CDH12: variants seen among roughly 807,000 people sequenced by gnomAD.
The protein encoded by CDH12 is cadherin 12.
In CDH12, 41 loss-of-function variants were observed where a neutral mutation model predicts 74.1. The observed-to-expected ratio is 0.55, with a 90% CI of 0.43 to 0.72. The LOEUF is 0.72. Among genes scored for constraint, CDH12 ranks in the 30% least tolerant of loss-of-function variants. The pLI, the probability that CDH12 is intolerant of heterozygous loss-of-function variation, is 0.00. For synonymous variants in CDH12, 399 were observed against 355.0 expected, an observed-to-expected ratio of 1.12 and a Z score of -1.39; for missense variants, 945 against 977.2, an observed-to-expected ratio of 0.97 and a Z score of 0.44.
chr5:22,332,739 A>C (rs1580532934), intron 3 of CDH12, among the ~76,000 whole-genome samples: 1 of 152,260 alleles, frequency 6.6e-6, no homozygotes, highest in Non-Finnish European at 1.5e-5. Flanking sequence ...TGATCATTAA[A>C]GAAATTCAAA....
intron 2 of CDH12, among the ~76,000 whole-genome samples, chr5:22,500,682 C>T (rs1172365706): frequency 6.6e-6 from 1 of 152,104 alleles, no homozygotes; most frequent in Non-Finnish European, 1.5e-5. Context: ...ATTCCATGCT[C>T]AGTATGTTCT....
At chr5:22,460,536 A>C (rs927656792) in intron 2 of CDH12, among the ~76,000 whole-genome samples, 1 of 152,202 alleles carries the variant, frequency 6.6e-6, no homozygotes, top group Non-Finnish European at 1.5e-5. Flanking sequence ...ATTATTTAAT[A>C]ACTGCAAATA....
chr5:22,111,723 C>T (rs1407526485), intron 4 of CDH12, among the ~76,000 whole-genome samples: 1 of 152,098 alleles, frequency 6.6e-6, no homozygotes, highest in Non-Finnish European at 1.5e-5. Flanking sequence ...AGACACTTTC[C>T]GTTCTCACTG....
chr5:22,351,775 G>A (rs1336043639), intron 3 of CDH12, among the ~76,000 whole-genome samples: 1 of 152,086 alleles, frequency 6.6e-6, no homozygotes, highest in Non-Finnish European at 1.5e-5. Context: ...AGTAACATAT[G>A]CCCCATGGAG....
intron 5 of CDH12, among the ~76,000 whole-genome samples, chr5:21,992,647 T>A (rs1049307752): frequency 3.3e-5 from 5 of 152,092 alleles, no homozygotes; most frequent in East Asian, 1.9e-4. Context: ...TAAAAAAAAA[T>A]TAGTTTTCTT....
chr5:21,802,899 C>T (rs1441926251), intron 9 of CDH12, among the ~76,000 whole-genome samples: 1 of 152,070 alleles, frequency 6.6e-6, no homozygotes, highest in South Asian at 2.1e-4. Context: ...AGAAAAGAAT[C>T]ACGTCCATGT....
intron 6 of CDH12, among the ~76,000 whole-genome samples, chr5:21,890,332 T>C (rs1752840293): frequency 6.6e-6 from 1 of 152,114 alleles, no homozygotes; most frequent in South Asian, 2.1e-4. Flanking sequence ...ATCTTTCTTC[T>C]ATGGTAAAAA....
chr5:22,067,831 A>C (rs1026408799), intron 5 of CDH12, among the ~76,000 whole-genome samples: 2 of 152,082 alleles, frequency 1.3e-5, no homozygotes, highest in Non-Finnish European at 2.9e-5. Context: ...ATACAAAATT[A>C]GCCCAGTGTG....
chr5:22,102,082 T>G (rs1229852083), intron 4 of CDH12, among the ~76,000 whole-genome samples: 1 of 152,166 alleles, frequency 6.6e-6, no homozygotes, highest in Non-Finnish European at 1.5e-5. Flanking sequence ...AGAGGTGAAG[T>G]GAAAATATAT....
intron 10 of CDH12, among the ~76,000 whole-genome samples, chr5:21,794,853 TA>T (rs1746694627): frequency 6.6e-6 from 1 of 151,616 alleles, no homozygotes; most frequent in Non-Finnish European, 1.5e-5. Context: ...TGTTTTTTTT[TA>T]TGTAGAGCCC....
At chr5:22,497,012 A>C (rs2126649165) in intron 2 of CDH12, among the ~76,000 whole-genome samples, 1 of 152,236 alleles carries the variant, frequency 6.6e-6, no homozygotes, top group South Asian at 2.1e-4. Flanking sequence ...GGAAAATATT[A>C]CCTTAGACTT....
At chr5:22,601,346 G>A (rs180927721) in intron 1 of CDH12, among the ~76,000 whole-genome samples, 258 of 152,090 alleles carry the variant, frequency 1.7e-3, no homozygotes, top group African/African-American at 6.0e-3. Flanking sequence ...ACAAGTGGGA[G>A]CTAAATGATT....
chr5:22,632,528 C>T (rs1242112861), intron 1 of CDH12, among the ~76,000 whole-genome samples: 1 of 151,914 alleles, frequency 6.6e-6, no homozygotes, highest in African/African-American at 2.4e-5. Context: ...ATAATAATTA[C>T]ATTAAAATTC....
At position 21,751,649 on chromosome 5, in the gene CDH12, T is replaced by TGTGTGTGTGA. The variant is rs1744070182; in HGVS notation, c.*87_*88insTCACACACAC. ...GTGTGTGTTTGTGTGTGTGTGTGTG[T>TGTGTGTGTGA]GTGAGAGAGATTTCTATTAATATTT... On this transcript the variant is annotated 3_prime_UTR_variant, in exon 15 of 15. Transcript: ENST00000382254. The TGTGTGTGTGA allele has an allele frequency of 1.0e-6, 1 of 957,334 alleles. No homozygotes were observed. Among genetic ancestry groups the TGTGTGTGTGA allele is most frequent in the Non-Finnish European group, 1.6e-6 (1 of 627,814 alleles). The allele number at this position is 957,334 out of a possible 1,614,324, so 59.3% of individuals were successfully genotyped here. A position where few individuals can be genotyped will look rare whatever the true frequency, so the allele number is the denominator to read the frequency against.
chr5:21,947,753 C>T (rs1755644838), intron 6 of CDH12, among the ~76,000 whole-genome samples: 1 of 152,182 alleles, frequency 6.6e-6, no homozygotes, highest in Non-Finnish European at 1.5e-5. Flanking sequence ...CAAAATTTTT[C>T]TTGGGCGTAT....
intron 5 of CDH12, among the ~76,000 whole-genome samples, chr5:22,069,552 G>T (rs75859065): frequency 0.036 from 5,461 of 152,224 alleles, 109 homozygotes; most frequent in Non-Finnish European, 0.042. Flanking sequence ...TGCTATGCAG[G>T]TCTAGAGGTC....
At chr5:22,072,693 A>C (rs1742034746) in intron 5 of CDH12, among the ~76,000 whole-genome samples, 1 of 151,972 alleles carries the variant, frequency 6.6e-6, no homozygotes, top group Admixed American at 6.6e-5. Flanking sequence ...CATTTACATT[A>C]GGTATATCTC....
At chr5:22,499,877 A>T (rs553206401) in intron 2 of CDH12, among the ~76,000 whole-genome samples, 1 of 152,310 alleles carries the variant, frequency 6.6e-6, no homozygotes, top group South Asian at 2.1e-4. Flanking sequence ...CACTGGCCAC[A>T]CTACAGTTCT....
chr5:22,263,755 T>A (rs2150395560), intron 3 of CDH12, among the ~76,000 whole-genome samples: 1 of 152,192 alleles, frequency 6.6e-6, no homozygotes, highest in Admixed American at 6.6e-5. Flanking sequence ...TAAATATGTT[T>A]ATTTCACCTT....
Sources: gnomAD v4.1 joint callset for allele counts (sites outside exome capture counted in the v4.1 genomes callset) on GRCh38, gnomAD v4.1.1 for gene constraint, MANE v1.5 for transcripts, NCBI Gene and HGNC (gene_info 2026-07-23, HGNC 2026-07-21) for gene names.